Variants in ENTPD5 observed in about 807,000 individuals in gnomAD.
ENTPD5 encodes the protein ectonucleoside triphosphate diphosphohydrolase 5 (inactive).
Under a neutral mutation model 60.2 loss-of-function variants are expected in ENTPD5, and 49 were observed. The ratio of observed to expected loss-of-function variants is 0.81; its 90% CI spans 0.65 to 1.03. The LOEUF (loss-of-function observed/expected upper bound fraction) is 1.03, where lower values mean the gene tolerates loss of function less well. Among genes scored for constraint, ENTPD5 ranks in the 50% least tolerant of loss-of-function variants. ENTPD5 has a pLI of 0.00. For missense variants in ENTPD5, 480 were observed against 507.6 expected, an observed-to-expected ratio of 0.95 and a Z score of 0.52; for synonymous variants, 187 against 185.4, an observed-to-expected ratio of 1.01 and a Z score of -0.07.
At chr14:73,991,506 T>G (rs937904934) in intron 3 of ENTPD5, among the ~76,000 whole-genome samples, 1 of 150,234 alleles carries the variant, frequency 6.7e-6, no homozygotes, top group African/African-American at 2.5e-5. Flanking sequence ...GAACATCACT[T>G]GAACCCGGGA....
intron 3 of ENTPD5, among the ~76,000 whole-genome samples, chr14:73,991,089 C>G (rs1483406055): frequency 1.3e-5 from 2 of 152,184 alleles, no homozygotes; most frequent in Non-Finnish European, 2.9e-5. Context: ...GGCATCCATA[C>G]TTCACAGTTG....
downstream of ENTPD5, chr14:73,961,602 A>G (rs2056737920): frequency 6.8e-6 from 11 of 1,611,014 alleles, no homozygotes; most frequent in Non-Finnish European, 9.3e-6. Context: ...GGAAGTATCC[A>G]GAGGTCATAT....
At chr14:73,999,213 C>T (rs1042174785) in intron 3 of ENTPD5, among the ~76,000 whole-genome samples, 5 of 152,134 alleles carry the variant, frequency 3.3e-5, no homozygotes, top group East Asian at 1.9e-4. Context: ...AGAAGCTAGG[C>T]GCAGTAGCTC....
intron 1 of ENTPD5, among the ~76,000 whole-genome samples, chr14:74,016,434 C>CA (rs1462480329): frequency 6.6e-6 from 1 of 152,106 alleles, no homozygotes; most frequent in East Asian, 1.9e-4. Context: ...CTCAGGAGTT[C>CA]AAGACCAGCC....
intron 1 of ENTPD5, among the ~76,000 whole-genome samples, chr14:74,017,280 T>C (rs1272817382): frequency 1.3e-5 from 2 of 148,744 alleles, no homozygotes; most frequent in African/African-American, 2.5e-5. Flanking sequence ...ATCGTGCTAT[T>C]GCACTCCAGC....
chr14:73,975,016 C>G, intron 10 of ENTPD5, 31 bp from the exon 11 acceptor site: 2 of 1,557,274 alleles, frequency 1.3e-6, no homozygotes, highest in Non-Finnish European at 1.8e-6. Flanking sequence ...TAATTTCATG[C>G]TGGTCCTGAA....
At chr14:73,963,195 G>T, downstream of ENTPD5, 2 of 616,592 alleles carry the variant, frequency 3.2e-6, no homozygotes, top group Non-Finnish European at 2.9e-6. Flanking sequence ...ATATTAGCCA[G>T]ACCAAAGGAA....
chr14:73,973,004 A>C lies in ENTPD5; in HGVS notation c.907T>G (p.Cys303Gly). The C allele has an allele frequency of 6.2e-7, 1 of 1,614,200 alleles. No individual in the cohort carries two copies. Among genetic ancestry groups the C allele is most frequent in the Non-Finnish European group, 8.5e-7 (1 of 1,180,026 alleles). Residue 303 changes from cysteine to glycine, a missense_variant, in exon 13 of 16, where the codon TGC becomes GGC. By Grantham distance (159) the Cys-to-Gly change is radical. Transcript: ENST00000334696. Reference sequence around the variant, plus strand: ...ACCACCCTCAGCACTTCGGCATAGCAGGGCTCAAAGCCCACCTCCCCTGCC... The same window carrying C: ...ACCACCCTCAGCACTTCGGCATAGCCGGGCTCAAAGCCCACCTCCCCTGCC... ...NQEGEVGFEP[C>G]YAEVLRVVRG... is the part of the protein sequence containing the mutation.
intron 6 of ENTPD5, among the ~76,000 whole-genome samples, chr14:73,982,799 T>G (rs916000091): frequency 1.5e-4 from 23 of 152,200 alleles, no homozygotes; most frequent in African/African-American, 5.5e-4. Context: ...ATATCCTAGA[T>G]AGAAAGTACT....
At chr14:73,958,119 T>C, downstream of ENTPD5, 1 of 1,601,984 alleles carries the variant, frequency 6.2e-7, no homozygotes, top group African/African-American at 1.3e-5. Flanking sequence ...CCTTTCTAAT[T>C]TTTTTTCCTC....
chr14:73,999,263 G>A (rs2058430165), intron 3 of ENTPD5, among the ~76,000 whole-genome samples: 1 of 151,948 alleles, frequency 6.6e-6, no homozygotes, highest in Non-Finnish European at 1.5e-5. Flanking sequence ...CAAAGTGGGT[G>A]GATTACCTCA....
At chr14:73,982,894 T>C in intron 6 of ENTPD5, 124 bp downstream of exon 6, 1 of 956,756 alleles carries the variant, frequency 1.0e-6, no homozygotes, top group South Asian at 1.8e-5. Flanking sequence ...GTCAGAGTCA[T>C]CACAATGCTT....
intron 5 of ENTPD5, chr14:73,986,084 A>AG (rs2081076562): frequency 6.6e-6 from 1 of 151,850 alleles, no homozygotes; most frequent in Non-Finnish European, 1.5e-5. Flanking sequence ...AAAAAAAAAA[A>AG]AAAGAAAAAG....
At chr14:73,998,582 G>GA (rs140230960) in intron 3 of ENTPD5, among the ~76,000 whole-genome samples, 13 of 149,564 alleles carry the variant, frequency 8.7e-5, no homozygotes, top group African/African-American at 2.0e-4. Flanking sequence ...TACTAAGTTG[G>GA]AAAAAAAAAA....
chr14:73,981,431 G>A (rs1393916364), intron 6 of ENTPD5, among the ~76,000 whole-genome samples: 1 of 151,658 alleles, frequency 6.6e-6, no homozygotes. Context: ...CCTGGGAGGC[G>A]GAGGTTGCAG....
intron 1 of ENTPD5, among the ~76,000 whole-genome samples, chr14:74,016,573 C>T (rs2059023179): frequency 6.6e-6 from 1 of 151,980 alleles, no homozygotes; most frequent in African/African-American, 2.4e-5. Context: ...GAGGTCGAAG[C>T]TGTAATGAGC....
chr14:73,962,405 T>C (rs1327082154), downstream of ENTPD5, among the ~76,000 whole-genome samples: 2 of 152,056 alleles, frequency 1.3e-5, no homozygotes, highest in Non-Finnish European at 2.9e-5. Context: ...GGCTTAAAAA[T>C]AGTGAATAGG....
Position 73,971,855 on chromosome 14 carries a change from C to T in ENTPD5, c.1081G>A (p.Glu361Lys). 1 of 1,605,470 alleles carries T rather than the reference C, an allele frequency of 6.2e-7. No homozygotes were observed. The highest frequency in any genetic ancestry group is 1.3e-5 in the African/African-American group (1 of 74,846). ...AAGGGCTTCCCCTGACACTTACCTT[C>T]CCTGGCTTTTCTTTCAAAATCTTCA... ...KVEDFERKAR[E>K]VCDNLENFTS... The change falls in exon 14 of 16, where the codon GAA (glutamate) becomes AAA (lysine). Residue 361 changes from glutamate to lysine, a missense_variant. Coordinates refer to ENST00000334696, the MANE Select transcript of ENTPD5 (RefSeq NM_001249.5).
At chr14:73,960,243 T>G (rs1237128218), downstream of ENTPD5, 16 of 986,754 alleles carry the variant, frequency 1.6e-5, no homozygotes, top group Non-Finnish European at 1.8e-5. Flanking sequence ...GTTCAAAATG[T>G]AAATAGTATC....
Sources: allele counts gnomAD v4.1 joint callset (sites outside exome capture counted in the v4.1 genomes callset), GRCh38; gene constraint gnomAD v4.1.1; transcripts MANE v1.5; gene names NCBI Gene and HGNC (gene_info 2026-07-23, HGNC 2026-07-21).